The following RAB3GAP2 variants were observed in gnomAD, a reference collection of about 807,000 sequenced individuals.
The protein encoded by RAB3GAP2 is RAB3 GTPase activating non-catalytic protein subunit 2.
A neutral mutation model predicts 185.3 loss-of-function variants in RAB3GAP2; 87 were observed. That is an observed-to-expected ratio of 0.47 (90% confidence interval 0.39 to 0.56). RAB3GAP2 has a LOEUF of 0.56. RAB3GAP2 is among the 20% of genes least tolerant of loss of function. The probability of loss-of-function intolerance (pLI) is 0.00; values close to 1 mark genes in which losing one functional copy is unlikely to be tolerated. For synonymous variants in RAB3GAP2, 554 were observed against 576.1 expected, an observed-to-expected ratio of 0.96 and a Z score of 0.55; for missense variants, 1,492 against 1,638.2, an observed-to-expected ratio of 0.91 and a Z score of 1.54.
intron 7 of RAB3GAP2, among the ~76,000 whole-genome samples, chr1:220,207,019 T>G (rs1233181529): frequency 1.3e-5 from 2 of 152,182 alleles, no homozygotes; most frequent in African/African-American, 4.8e-5. Flanking sequence ...GTAAGCCCCA[T>G]GAAAGCAGGA....
chr1:220,159,562 G>C, intron 28 of RAB3GAP2, 141 bp from the exon 29 acceptor site: 1 of 649,820 alleles, frequency 1.5e-6, no homozygotes, highest in Non-Finnish European at 2.7e-6. Context: ...TTAATTAGCT[G>C]TTGGCTCTAC....
At chr1:220,257,819 G>T (rs908945946) in intron 1 of RAB3GAP2, among the ~76,000 whole-genome samples, 1 of 151,902 alleles carries the variant, frequency 6.6e-6, no homozygotes, top group Non-Finnish European at 1.5e-5. Context: ...TAATAAAATA[G>T]ATAGAACTCT....
intron 1 of RAB3GAP2, among the ~76,000 whole-genome samples, chr1:220,249,737 C>T (rs994247116): frequency 3.9e-5 from 6 of 152,166 alleles, no homozygotes; most frequent in Non-Finnish European, 8.8e-5. Flanking sequence ...TTTGTGCAGT[C>T]TTGGGACTTG....
At chr1:220,216,104 G>A (rs1028929452) in intron 2 of RAB3GAP2, among the ~76,000 whole-genome samples, 2 of 152,010 alleles carry the variant, frequency 1.3e-5, no homozygotes, top group African/African-American at 2.4e-5. Context: ...ACCCCAAAAT[G>A]AGCCTGAAAC....
chr1:220,272,235 G>C lies in RAB3GAP2; in HGVS notation c.103C>G (p.Arg35Gly). Residue 35 changes from arginine to glycine, a missense_variant, in exon 1 of 35, where the codon CGG becomes GGG. Arg to Gly is a moderately radical substitution (Grantham distance 125). Transcript: ENST00000358951. ...LREEILSGALRRDPSKSTDWE... is the reference protein window; with the variant it reads ...LREEILSGALGRDPSKSTDWE... ...GAGAGGCACTTACTGGGGTCCCTCCGCAAGGCGCCGCTGAGGATCTCCTCC... is the reference window on the plus strand; with the variant it reads ...GAGAGGCACTTACTGGGGTCCCTCCCCAAGGCGCCGCTGAGGATCTCCTCC... 1 of 1,607,212 alleles carries C rather than the reference G, an allele frequency of 6.2e-7. No homozygotes were observed. The highest frequency in any genetic ancestry group is 8.5e-7 in the Non-Finnish European group (1 of 1,177,804).
At chr1:220,228,630 C>A (rs960215184) in intron 2 of RAB3GAP2, among the ~76,000 whole-genome samples, 2 of 152,144 alleles carry the variant, frequency 1.3e-5, no homozygotes, top group African/African-American at 2.4e-5. Context: ...AACTAGATAA[C>A]CTCTGAACTT....
intron 17 of RAB3GAP2, among the ~76,000 whole-genome samples, chr1:220,186,499 A>G (rs182976513): frequency 1.3e-5 from 2 of 152,308 alleles, no homozygotes; most frequent in East Asian, 3.9e-4. Context: ...TCAGGCCTAT[A>G]ATGAAGTAAC....
chr1:220,198,841 A>G (rs1284651507), intron 9 of RAB3GAP2, among the ~76,000 whole-genome samples: 1 of 152,198 alleles, frequency 6.6e-6, no homozygotes, highest in Non-Finnish European at 1.5e-5. Context: ...CCATAAAGTC[A>G]AACTCATTGG....
Position 220,184,049 on chromosome 1 carries a change from G to A in RAB3GAP2, c.1985C>T (p.Pro662Leu). Residue 662 changes from proline (P) to leucine (L), a missense_variant, in exon 19 of 35, where the codon CCA (proline) becomes CTA (leucine). Coordinates refer to ENST00000358951, the MANE Select transcript of RAB3GAP2 (RefSeq NM_012414.4). ...LNSLDFHLDT[P>L]FSDNDLALLL... ...GGGATTACTCACATTATCAGAGAATGGTGTGTCTAAATGAAAATCAAGGGA... is the reference window on the plus strand; with the variant it reads ...GGGATTACTCACATTATCAGAGAATAGTGTGTCTAAATGAAAATCAAGGGA... 1.9e-6 allele frequency: 3 copies of A among 1,574,654 alleles called. No individual in the cohort carries two copies. The highest frequency in any genetic ancestry group is 8.7e-7 in the Non-Finnish European group (1 of 1,146,408).
intron 27 of RAB3GAP2, among the ~76,000 whole-genome samples, chr1:220,163,914 G>A (rs1658015321): frequency 6.6e-6 from 1 of 151,736 alleles, no homozygotes; most frequent in African/African-American, 2.4e-5. Context: ...AGCTTCTCTA[G>A]AATTTATTAC....
intron 2 of RAB3GAP2, among the ~76,000 whole-genome samples, chr1:220,222,331 A>T (rs1404295976): frequency 1.3e-5 from 2 of 152,326 alleles, no homozygotes; most frequent in Non-Finnish European, 2.9e-5. Flanking sequence ...AATTCAATAT[A>T]TGAAATAGAT....
chr1:220,265,767 C>T (rs1225959164), intron 1 of RAB3GAP2, among the ~76,000 whole-genome samples: 1 of 151,716 alleles, frequency 6.6e-6, no homozygotes, highest in Admixed American at 6.6e-5. Flanking sequence ...TCAACAAAAA[C>T]CAAAAAAATT....
Position 220,170,925 on chromosome 1 carries a change from G to C in RAB3GAP2, c.2773C>G (p.Leu925Val). 6.2e-7 allele frequency: 1 copy of C among 1,614,012 alleles called. No homozygotes were observed. ...SSLQAEPLPR[L>V]SVKKLLEGGK... is the part of the protein sequence containing the mutation. ...CCTTCTAATAACTTTTTAACAGAAA[G>C]CCTTGGAAGTGGCTCAGCCTGCAGT... Residue 925 changes from leucine (L) to valine (V), a missense_variant, in exon 24 of 35, where the codon CTT becomes GTT. Physicochemically the swap from Leu to Val is conservative, Grantham distance 32 (BLOSUM62 1). Coordinates refer to ENST00000358951, the MANE Select transcript of RAB3GAP2 (RefSeq NM_012414.4).
chr1:220,267,025 G>C, intron 1 of RAB3GAP2: 2 of 1,611,562 alleles, frequency 1.2e-6, no homozygotes, highest in Non-Finnish European at 1.7e-6. Flanking sequence ...AATCATTTCG[G>C]GGGGCAGGTA....
At chr1:220,226,660 C>A (rs946821863) in intron 2 of RAB3GAP2, among the ~76,000 whole-genome samples, 1 of 152,108 alleles carries the variant, frequency 6.6e-6, no homozygotes, top group Non-Finnish European at 1.5e-5. Flanking sequence ...CTTGCCTTTT[C>A]AGTCTCTTAT....
chr1:220,163,744 C>CATACATATATATAG (rs775527991), intron 27 of RAB3GAP2, among the ~76,000 whole-genome samples: 1 of 123,024 alleles, frequency 8.1e-6, no homozygotes, highest in African/African-American at 3.1e-5. Flanking sequence ...TAAATACATA[C>CATACATATATATAG]ATATATATAT....
At chr1:220,236,521 C>G (rs961482521) in intron 1 of RAB3GAP2, among the ~76,000 whole-genome samples, 2 of 152,090 alleles carry the variant, frequency 1.3e-5, no homozygotes, top group African/African-American at 2.4e-5. Context: ...ATTTTTGTGG[C>G]CTCCTATGTC....
intron 1 of RAB3GAP2, among the ~76,000 whole-genome samples, chr1:220,236,302 G>T (rs1250439799): frequency 1.3e-5 from 2 of 152,046 alleles, no homozygotes; most frequent in Admixed American, 1.3e-4. Flanking sequence ...TCAGCTTCCC[G>T]AATAGCTGGG....
At chr1:220,217,931 C>T (rs1659228221) in intron 2 of RAB3GAP2, among the ~76,000 whole-genome samples, 1 of 152,154 alleles carries the variant, frequency 6.6e-6, no homozygotes. Context: ...GCTGCTGCTA[C>T]CCCAACAAAT....
Sources: allele counts gnomAD v4.1 joint callset (sites outside exome capture counted in the v4.1 genomes callset), GRCh38; gene constraint gnomAD v4.1.1; transcripts MANE v1.5; gene names NCBI Gene and HGNC (gene_info 2026-07-23, HGNC 2026-07-21).